The following CMSS1 variants were observed in gnomAD, a reference collection of about 807,000 sequenced individuals.
CMSS1 encodes protein CMSS1.
CMSS1 carries 33 observed loss-of-function variants against 43.5 expected under a neutral mutation model. The observed-to-expected ratio is 0.76, with a 90% CI of 0.57 to 1.01. The LOEUF is 1.01. CMSS1 is among the 50% of genes least tolerant of loss of function. The probability of loss-of-function intolerance (pLI) is 0.00; values close to 1 mark genes in which losing one functional copy is unlikely to be tolerated. For missense variants in CMSS1, 313 were observed against 326.4 expected, an observed-to-expected ratio of 0.96 and a Z score of 0.32; for synonymous variants, 115 against 117.2, an observed-to-expected ratio of 0.98 and a Z score of 0.12.
At position 100,023,777 on chromosome 3, in the gene CMSS1, C is replaced by T. The variant is rs115517444; in HGVS notation, c.65-123196C>T. On this transcript the variant is annotated intron_variant, in intron 1 of 9. Coordinates refer to ENST00000421999, the MANE Select transcript of CMSS1 (RefSeq NM_032359.4). ...CTAGTATTTCTACCTAGAACTACTC[C>T]TGCTCTGCATGTCTTACTCTCAGGA... 7.2e-3 allele frequency among the ~76,000 whole-genome samples: 1,102 copies of T among 152,246 alleles called. 19 individuals are homozygous for T. Among genetic ancestry groups the T allele is most frequent in the African/African-American group, 0.024 (1,017 of 41,546 alleles).
chr3:100,012,676 G>C (rs557574997), intron 1 of CMSS1, among the ~76,000 whole-genome samples: 30 of 151,746 alleles, frequency 2.0e-4, no homozygotes, highest in African/African-American at 6.0e-4. Flanking sequence ...ATACATGGTT[G>C]CCCCAATTAT....
At chr3:99,975,460 C>T (rs1054192906) in intron 1 of CMSS1, among the ~76,000 whole-genome samples, 6 of 151,920 alleles carry the variant, frequency 3.9e-5, no homozygotes, top group East Asian at 1.9e-4. Context: ...AGTATGGTGG[C>T]GGGCGCCTGT....
chr3:99,997,526 C>T (rs1320646532), intron 1 of CMSS1, among the ~76,000 whole-genome samples: 1 of 152,098 alleles, frequency 6.6e-6, no homozygotes, highest in Non-Finnish European at 1.5e-5. Flanking sequence ...CATTAGAATA[C>T]GTAGGAAGCT....
intron 1 of CMSS1, among the ~76,000 whole-genome samples, chr3:99,981,187 A>T (rs1172379539): frequency 3.3e-5 from 5 of 152,152 alleles, no homozygotes; most frequent in Non-Finnish European, 5.9e-5. Flanking sequence ...GTTCTTTGAC[A>T]CCTGACTTTT....
intron 6 of CMSS1, among the ~76,000 whole-genome samples, chr3:100,168,894 T>C (rs138196254): frequency 0.012 from 1,601 of 133,776 alleles, 17 homozygotes; most frequent in African/African-American, 0.042. Context: ...CACACACACA[T>C]ATATATATAC....
At chr3:100,088,718 A>G (rs1475830649) in intron 1 of CMSS1, among the ~76,000 whole-genome samples, 4 of 151,838 alleles carry the variant, frequency 2.6e-5, no homozygotes, top group African/African-American at 7.3e-5. Flanking sequence ...TAATCCTGAC[A>G]TATTTTCTTG....
At chr3:99,943,949 C>T (rs190430507) in intron 1 of CMSS1, among the ~76,000 whole-genome samples, 5 of 152,284 alleles carry the variant, frequency 3.3e-5, no homozygotes, top group African/African-American at 1.2e-4. Context: ...AGAGATGACA[C>T]ATACAAGATG....
intron 1 of CMSS1, among the ~76,000 whole-genome samples, chr3:99,994,657 A>G (rs1387432656): frequency 6.6e-6 from 1 of 152,194 alleles, no homozygotes; most frequent in Admixed American, 6.5e-5. Context: ...GTCCATTTTC[A>G]CACTGCTGAT....
At chr3:99,905,393 C>G (rs142782696) in intron 1 of CMSS1, among the ~76,000 whole-genome samples, 1 of 152,186 alleles carries the variant, frequency 6.6e-6, no homozygotes, top group Non-Finnish European at 1.5e-5. Context: ...TACCAGTCTT[C>G]TAATTGCTCT....
chr3:100,127,272 T>G (rs759671654), intron 1 of CMSS1, among the ~76,000 whole-genome samples: 3 of 152,218 alleles, frequency 2.0e-5, no homozygotes, highest in African/African-American at 4.8e-5. Context: ...TGCCAAACCC[T>G]TGGCCTAATC....
chr3:100,132,374 G>T (rs1223790565), intron 1 of CMSS1, among the ~76,000 whole-genome samples: 1 of 152,146 alleles, frequency 6.6e-6, no homozygotes, highest in South Asian at 2.1e-4. Flanking sequence ...CGGCACTGCA[G>T]CCTGGGCAAC....
At chr3:99,840,745 A>T (rs1265151405) in intron 1 of CMSS1, among the ~76,000 whole-genome samples, 1 of 152,258 alleles carries the variant, frequency 6.6e-6, no homozygotes, top group Non-Finnish European at 1.5e-5. Flanking sequence ...GATCTTAAAG[A>T]TCACCAAGTT....
intron 1 of CMSS1, among the ~76,000 whole-genome samples, chr3:100,023,910 A>G (rs1420761255): frequency 6.6e-6 from 1 of 152,180 alleles, no homozygotes; most frequent in East Asian, 1.9e-4. Flanking sequence ...AACTGGGGAG[A>G]GAGGAGTAGA....
At chr3:100,095,501 G>A (rs2107445023) in intron 1 of CMSS1, among the ~76,000 whole-genome samples, 1 of 151,872 alleles carries the variant, frequency 6.6e-6, no homozygotes, top group Middle Eastern at 3.4e-3. Context: ...CAGTCATACC[G>A]AGAACATGCA....
intron 1 of CMSS1, among the ~76,000 whole-genome samples, chr3:99,831,058 G>C (rs1262200807): frequency 6.6e-6 from 1 of 152,138 alleles, no homozygotes; most frequent in East Asian, 1.9e-4. Context: ...GATGATTAGT[G>C]GAACAGCTTG....
Position 99,894,866 on chromosome 3 carries a change from A to C in CMSS1, c.64+76823A>C, listed in dbSNP as rs983162838. On this transcript the variant is annotated intron_variant, in intron 1 of 9. Coordinates refer to ENST00000421999, the MANE Select transcript of CMSS1 (RefSeq NM_032359.4). ...ACGGAGTAGAGAACAATATTCTTGC[A>C]AACGTATAGAGTTCAAGCTATATTT... Among the ~76,000 whole-genome samples, 13 of 152,230 alleles carry C rather than the reference A, an allele frequency of 8.5e-5. 1 individual carries two copies. The highest frequency in any genetic ancestry group is 1.3e-4 in the Admixed American group (2 of 15,288).
intron 1 of CMSS1, chr3:99,849,241 T>A (rs1391673854): frequency 6.2e-7 from 1 of 1,614,022 alleles, no homozygotes; most frequent in Non-Finnish European, 8.5e-7. Context: ...GAGGCTCTTG[T>A]AATCAGGTGG....
intron 1 of CMSS1, among the ~76,000 whole-genome samples, chr3:99,877,998 A>G (rs924704690): frequency 1.3e-5 from 2 of 151,962 alleles, no homozygotes; most frequent in African/African-American, 4.8e-5. Context: ...CATTCTTTTG[A>G]CTTGCTGGTT....
chr3:99,818,093 C>G (rs1718240), intron 1 of CMSS1, 50 bp downstream of exon 1: 1 of 1,571,428 alleles, frequency 6.4e-7, no homozygotes, highest in East Asian at 2.3e-5. Flanking sequence ...GGAGCCCTTC[C>G]GTGCGCCTCA....
Sources: gnomAD v4.1 joint callset for allele counts (sites outside exome capture counted in the v4.1 genomes callset) on GRCh38, gnomAD v4.1.1 for gene constraint, MANE v1.5 for transcripts, NCBI Gene and HGNC (gene_info 2026-07-23, HGNC 2026-07-21) for gene names.